Variants in CNTN4 observed in about 807,000 individuals in gnomAD.
The protein encoded by CNTN4 is contactin 4.
In CNTN4, 77 loss-of-function variants were observed where a neutral mutation model predicts 122.5. The observed-to-expected ratio is 0.63, with a 90% CI of 0.52 to 0.76. The LOEUF is 0.76. Among genes scored for constraint, CNTN4 ranks in the 30% least tolerant of loss-of-function variants. CNTN4 has a pLI of 0.00. For missense variants in CNTN4, 1,256 were observed against 1,259.1 expected (o/e 1.00, Z 0.04); for synonymous variants, 512 against 447.0 (o/e 1.15, Z -1.83).
At chr3:2,552,864 G>C (rs1407054735) in intron 3 of CNTN4, among the ~76,000 whole-genome samples, 1 of 152,164 alleles carries the variant, frequency 6.6e-6, no homozygotes, top group Non-Finnish European at 1.5e-5. Flanking sequence ...TTTGACTGCA[G>C]ATGGTCTATG....
intron 3 of CNTN4, among the ~76,000 whole-genome samples, chr3:2,532,713 CAA>C (rs1361152782): frequency 2.0e-5 from 3 of 152,070 alleles, no homozygotes; most frequent in African/African-American, 4.8e-5. Context: ...CATTTAAAAA[CAA>C]GAGTTGTTTA....
At chr3:2,932,428 T>G (rs1403385531) in intron 13 of CNTN4, among the ~76,000 whole-genome samples, 1 of 152,010 alleles carries the variant, frequency 6.6e-6, no homozygotes, top group Non-Finnish European at 1.5e-5. Context: ...TTCTTATAGT[T>G]CTGGAGATAA....
chr3:2,310,191 A>T (rs1348759887), intron 2 of CNTN4, among the ~76,000 whole-genome samples: 2 of 152,154 alleles, frequency 1.3e-5, no homozygotes, highest in African/African-American at 4.8e-5. Flanking sequence ...TTACAGCAAC[A>T]GACAAATGAC....
chr3:2,571,876 A>G (rs2079436550), intron 4 of CNTN4, among the ~76,000 whole-genome samples: 1 of 152,214 alleles, frequency 6.6e-6, no homozygotes, highest in Admixed American at 6.5e-5. Flanking sequence ...ATTGGGCAAT[A>G]AAACTGATAA....
At chr3:2,714,408 G>C (rs1426963205) in intron 4 of CNTN4, among the ~76,000 whole-genome samples, 1 of 151,894 alleles carries the variant, frequency 6.6e-6, no homozygotes, top group East Asian at 1.9e-4. Flanking sequence ...CTTTATATAA[G>C]CAAGAGCAAG....
At position 2,366,837 on chromosome 3, in the gene CNTN4, A is replaced by T. The variant is rs562796451; in HGVS notation, c.-89+27604A>T. On this transcript the variant is annotated intron_variant, in intron 3 of 24. Transcript: ENST00000418658. The stretch of plus-strand genomic sequence containing the variant: ...AAAGTCCATTTCTTTCAGAGATTTT[A>T]TTGTAAGCATTATCTTATTGACTAT... Among the ~76,000 whole-genome samples, 12 of 152,170 alleles carry T rather than the reference A, an allele frequency of 7.9e-5. No homozygotes were observed. The South Asian group carries it at 2.5e-3, about 32-fold the overall frequency.
chr3:2,524,245 C>T lies in CNTN4; in HGVS notation c.-88-47171C>T, dbSNP rs918539419. Among the ~76,000 whole-genome samples, 3 of 152,106 alleles carry T rather than the reference C, an allele frequency of 2.0e-5. No individual in the cohort carries two copies. In the East Asian group the frequency reaches 5.8e-4, roughly 29 times the overall value. On this transcript the variant is annotated intron_variant, in intron 3 of 24. Coordinates refer to ENST00000418658, the MANE Select transcript of CNTN4 (RefSeq NM_175607.3). ...AATGGAATCATACAATATGTGGTCT[C>T]TTGTGACTGGCTTATCTTGCTTGGC...
intron 14 of CNTN4, among the ~76,000 whole-genome samples, chr3:3,018,086 G>A (rs1340055566): frequency 3.3e-5 from 5 of 152,140 alleles, no homozygotes; most frequent in Non-Finnish European, 1.5e-5. Flanking sequence ...TCAAAATGTA[G>A]ATCCTAATGA....
Position 2,338,409 on chromosome 3 carries a change from T to G in CNTN4, c.-144-769T>G, listed in dbSNP as rs779183908. On this transcript the variant is annotated intron_variant, in intron 2 of 24. Coordinates refer to ENST00000418658, the MANE Select transcript of CNTN4 (RefSeq NM_175607.3). ...AATAAGCCAGAGTAGAATAGTATGA[T>G]TAAAGATATTTCTGATTAGCTAATC... 5.3e-4 allele frequency among the ~76,000 whole-genome samples: 81 copies of G among 152,070 alleles called. 1 individual carries two copies. Among genetic ancestry groups the G allele is most frequent in the Admixed American group, 2.4e-3 (36 of 15,274 alleles).
At chr3:2,887,314 G>A (rs987256618) in intron 10 of CNTN4, 90 bp downstream of exon 10, 9 of 1,203,018 alleles carry the variant, frequency 7.5e-6, no homozygotes, top group African/African-American at 1.5e-5. Flanking sequence ...GGCATTTTGG[G>A]AGAGATGGTG....
chr3:2,428,738 A>G (rs138463805), intron 3 of CNTN4, among the ~76,000 whole-genome samples: 1,778 of 152,302 alleles, frequency 0.012, 30 homozygotes, highest in South Asian at 0.07. Context: ...GTCTTTTCAC[A>G]TAGTCCCATA....
intron 6 of CNTN4, 144 bp downstream of exon 6, chr3:2,745,841 C>T: frequency 1.4e-6 from 1 of 738,698 alleles, no homozygotes; most frequent in Admixed American, 2.3e-5. Context: ...ATTTTGGAAA[C>T]AATTTTATTT....
chr3:2,232,321 T>TC (rs2039517282), intron 2 of CNTN4, among the ~76,000 whole-genome samples: 1 of 152,174 alleles, frequency 6.6e-6, no homozygotes, highest in African/African-American at 2.4e-5. Context: ...TAGTTGAACT[T>TC]AACAGTCAAG....
At chr3:2,333,040 G>C (rs1024229618) in intron 2 of CNTN4, among the ~76,000 whole-genome samples, 1 of 152,124 alleles carries the variant, frequency 6.6e-6, no homozygotes, top group African/African-American at 2.4e-5. Flanking sequence ...CTATAGACTG[G>C]AGCATCTGTC....
At chr3:2,817,922 A>G (rs1408166062) in intron 6 of CNTN4, among the ~76,000 whole-genome samples, 1 of 152,254 alleles carries the variant, frequency 6.6e-6, no homozygotes, top group Non-Finnish European at 1.5e-5. Context: ...CAAGAAAAAT[A>G]CCATGTTCTA....
intron 2 of CNTN4, among the ~76,000 whole-genome samples, chr3:2,103,316 A>G (rs909908036): frequency 6.6e-6 from 1 of 152,262 alleles, no homozygotes; most frequent in African/African-American, 2.4e-5. Context: ...GATATAATCC[A>G]AAACATACTG....
At chr3:2,628,714 G>A (rs2082301685) in intron 4 of CNTN4, among the ~76,000 whole-genome samples, 1 of 152,198 alleles carries the variant, frequency 6.6e-6, no homozygotes, top group Non-Finnish European at 1.5e-5. Flanking sequence ...TCAACCAGTA[G>A]TTCCGTGTCT....
At chr3:2,270,546 C>A (rs17029513) in intron 2 of CNTN4, among the ~76,000 whole-genome samples, 79,046 of 151,730 alleles carry the variant, frequency 0.52, 21,422 homozygotes, top group South Asian at 0.65. Context: ...ACCTGTGGGG[C>A]CCTACTTTCC....
At chr3:2,162,358 C>T (rs2036002608) in intron 2 of CNTN4, among the ~76,000 whole-genome samples, 2 of 152,092 alleles carry the variant, frequency 1.3e-5, no homozygotes, top group South Asian at 4.1e-4. Context: ...TAACAGAATC[C>T]TGTTATTGCC....
Sources: allele counts gnomAD v4.1 joint callset (sites outside exome capture counted in the v4.1 genomes callset), GRCh38; gene constraint gnomAD v4.1.1; transcripts MANE v1.5; gene names NCBI Gene and HGNC (gene_info 2026-07-23, HGNC 2026-07-21).